Variants in HHIP observed in about 807,000 individuals in gnomAD.
HHIP encodes the protein hedgehog interacting protein, also known as hedgehog-interacting protein.
Under a neutral mutation model 74.0 loss-of-function variants are expected in HHIP, and 12 were observed. The observed-to-expected ratio is 0.16, with a 90% CI of 0.10 to 0.26. HHIP has a LOEUF of 0.26. Among genes scored for constraint, HHIP ranks in the 10% least tolerant of loss-of-function variants. The pLI is 1.00. For missense variants in HHIP, 788 were observed against 845.0 expected, an observed-to-expected ratio of 0.93 and a Z score of 0.84; for synonymous variants, 309 against 311.6, an observed-to-expected ratio of 0.99 and a Z score of 0.09.
At chr4:144,671,188 A>T (rs1729027832) in intron 4 of HHIP, among the ~76,000 whole-genome samples, 1 of 152,180 alleles carries the variant, frequency 6.6e-6, no homozygotes, top group South Asian at 2.1e-4. Flanking sequence ...CGAGGTGTCT[A>T]TGTATATCAC....
rs143087578 is a variant in HHIP, at chr4:144,735,466, A to G, written c.1909+577A>G. 2.3e-3 allele frequency among the ~76,000 whole-genome samples: 356 copies of G among 152,296 alleles called. 3 individuals carry two copies. The highest frequency in any genetic ancestry group is 7.7e-3 in the African/African-American group (321 of 41,560). On this transcript the variant is annotated intron_variant, in intron 12 of 12. Coordinates refer to ENST00000296575, the MANE Select transcript of HHIP (RefSeq NM_022475.3). ...GGTGTGCATCTGCTCAGAGAGAGCAAAGGAGATTTATTCCAGGGTTGTTCT... is the reference window on the plus strand; with the variant it reads ...GGTGTGCATCTGCTCAGAGAGAGCAGAGGAGATTTATTCCAGGGTTGTTCT...
Position 144,738,735 on chromosome 4 carries a change from A to C in HHIP, c.*778A>C. On this transcript the variant is annotated 3_prime_UTR_variant, in exon 13 of 13. Coordinates refer to ENST00000296575, the MANE Select transcript of HHIP (RefSeq NM_022475.3). ...ATAATATAGACATCACCTAGATGAAACACCTTTACCCTGTCCTGTAAAACA... is the reference window on the plus strand; with the variant it reads ...ATAATATAGACATCACCTAGATGAACCACCTTTACCCTGTCCTGTAAAACA... The C allele has an allele frequency of 1.2e-6, 1 of 839,480 alleles. No individual in the cohort carries two copies. Among genetic ancestry groups the C allele is most frequent in the African/African-American group, 1.8e-5 (1 of 54,236 alleles). The allele number at this position is 839,480 out of a possible 1,614,324, so 52.0% of individuals were successfully genotyped here.
chr4:144,664,936 T>C (rs1728820676), intron 4 of HHIP, among the ~76,000 whole-genome samples: 1 of 152,216 alleles, frequency 6.6e-6, no homozygotes, highest in Non-Finnish European at 1.5e-5. Context: ...TAAAAAGTGG[T>C]AGAAATTGTC....
chr4:144,682,904 G>T (rs958193017), intron 4 of HHIP, among the ~76,000 whole-genome samples: 1 of 152,174 alleles, frequency 6.6e-6, no homozygotes, highest in Non-Finnish European at 1.5e-5. Context: ...TTTAATGAGA[G>T]CAAATTCCAG....
At chr4:144,652,454 G>T in intron 1 of HHIP, 151 bp from the exon 2 acceptor site, 1 of 596,778 alleles carries the variant, frequency 1.7e-6, no homozygotes, top group South Asian at 2.1e-5. Flanking sequence ...TCCTTATAAA[G>T]GCATTCTGTA....
intron 9 of HHIP, chr4:144,714,956 G>A (rs1341322277): frequency 5.4e-6 from 1 of 184,994 alleles, no homozygotes; most frequent in Non-Finnish European, 1.1e-5. Flanking sequence ...CTAGAAAAAT[G>A]TACTGACCCC....
chr4:144,724,684 A>T (rs1447594776), intron 11 of HHIP, among the ~76,000 whole-genome samples: 1 of 94,628 alleles, frequency 1.1e-5, no homozygotes, highest in East Asian at 2.7e-4. Context: ...ATATATATTT[A>T]TATATATATA....
intron 4 of HHIP, among the ~76,000 whole-genome samples, chr4:144,706,317 C>T (rs1018603010): frequency 2.6e-5 from 4 of 152,126 alleles, no homozygotes; most frequent in Non-Finnish European, 5.9e-5. Flanking sequence ...CATAGATAAC[C>T]ACACAAGACA....
At chr4:144,670,266 G>C (rs1383312337) in intron 4 of HHIP, among the ~76,000 whole-genome samples, 3 of 151,626 alleles carry the variant, frequency 2.0e-5, no homozygotes, top group Non-Finnish European at 1.5e-5. Context: ...TGCTCAATCA[G>C]CCTGGCCCAC....
intron 1 of HHIP, 97 bp downstream of exon 1, chr4:144,647,051 A>G (rs1382446427): frequency 5.5e-6 from 6 of 1,082,586 alleles, no homozygotes; most frequent in Non-Finnish European, 8.0e-6. Context: ...AGAAGGTCAA[A>G]ACTTCTTTGG....
At chr4:144,689,701 T>A (rs1729591782) in intron 4 of HHIP, among the ~76,000 whole-genome samples, 2 of 152,246 alleles carry the variant, frequency 1.3e-5, no homozygotes, top group African/African-American at 4.8e-5. Flanking sequence ...ATTATACATT[T>A]TAGCAAGATG....
chr4:144,650,067 C>A (rs1728376214), intron 1 of HHIP, among the ~76,000 whole-genome samples: 1 of 152,226 alleles, frequency 6.6e-6, no homozygotes, highest in Non-Finnish European at 1.5e-5. Flanking sequence ...GTATTTTCTC[C>A]TTTTGTCCCC....
intron 4 of HHIP, among the ~76,000 whole-genome samples, chr4:144,663,259 A>C (rs1395779163): frequency 6.6e-6 from 1 of 152,026 alleles, no homozygotes; most frequent in Non-Finnish European, 1.5e-5. Flanking sequence ...ATGCCTCTGC[A>C]CTCTAGCCTA....
intron 4 of HHIP, among the ~76,000 whole-genome samples, chr4:144,680,351 C>A (rs1354302696): frequency 6.6e-6 from 1 of 152,086 alleles, no homozygotes; most frequent in African/African-American, 2.4e-5. Context: ...CCACCTTGAC[C>A]CCTTGTCATG....
intron 2 of HHIP, among the ~76,000 whole-genome samples, chr4:144,658,417 T>G (rs970872934): frequency 3.9e-5 from 6 of 151,950 alleles, no homozygotes; most frequent in Non-Finnish European, 7.4e-5. Flanking sequence ...TGGCTCAGGC[T>G]AGAGTGCAGT....
intron 11 of HHIP, among the ~76,000 whole-genome samples, chr4:144,719,597 T>C (rs1730572948): frequency 6.6e-6 from 1 of 152,232 alleles, no homozygotes; most frequent in Non-Finnish European, 1.5e-5. Context: ...TGTACTTCAA[T>C]CATCTTGAAT....
intron 2 of HHIP, among the ~76,000 whole-genome samples, chr4:144,656,661 C>G (rs1728565291): frequency 6.6e-6 from 1 of 152,138 alleles, no homozygotes; most frequent in Non-Finnish European, 1.5e-5. Context: ...ACTCACATAT[C>G]CAGTTATAAA....
At chr4:144,681,670 G>A (rs1030474042) in intron 4 of HHIP, among the ~76,000 whole-genome samples, 10 of 152,072 alleles carry the variant, frequency 6.6e-5, no homozygotes, top group South Asian at 2.1e-4. Context: ...TGATCTTCCC[G>A]CCTCGGCCTC....
intron 4 of HHIP, among the ~76,000 whole-genome samples, chr4:144,670,455 C>CAAAA (rs70956805): frequency 8.6e-5 from 10 of 116,730 alleles, no homozygotes; most frequent in African/African-American, 2.8e-4. Context: ...AAGAGACTGT[C>CAAAA]AAAAAAAAAA....
Sources: allele counts gnomAD v4.1 joint callset (sites outside exome capture counted in the v4.1 genomes callset), GRCh38; gene constraint gnomAD v4.1.1; transcripts MANE v1.5; gene names NCBI Gene and HGNC (gene_info 2026-07-23, HGNC 2026-07-21).